PEX5L: variants seen among roughly 807,000 people sequenced by gnomAD.
The protein encoded by PEX5L is peroxisomal biogenesis factor 5 like.
In PEX5L, 30 loss-of-function variants were observed where a neutral mutation model predicts 84.0. The ratio of observed to expected loss-of-function variants is 0.36; its 90% CI spans 0.27 to 0.48. The LOEUF (loss-of-function observed/expected upper bound fraction) is 0.48. Among genes scored for constraint, PEX5L ranks in the 20% least tolerant of loss-of-function variants. The pLI, the probability that PEX5L is intolerant of heterozygous loss-of-function variation, is 0.99. For missense variants in PEX5L, 533 were observed against 754.6 expected, an observed-to-expected ratio of 0.71 and a Z score of 3.44; for synonymous variants, 270 against 283.1, an observed-to-expected ratio of 0.95 and a Z score of 0.46.
intron 1 of PEX5L, chr3:179,973,416 C>CA: frequency 1.8e-6 from 2 of 1,109,558 alleles, no homozygotes; most frequent in Non-Finnish European, 1.1e-6. Context: ...TTGGCTAGCA[C>CA]AAAAAACTCA....
At chr3:179,965,956 T>C (rs1281083930) in intron 2 of PEX5L, among the ~76,000 whole-genome samples, 1 of 152,194 alleles carries the variant, frequency 6.6e-6, no homozygotes. Flanking sequence ...ACAATATTTA[T>C]TGATGATAAA....
intron 10 of PEX5L, among the ~76,000 whole-genome samples, chr3:179,815,599 C>G (rs1444518037): frequency 2.0e-5 from 3 of 152,154 alleles, no homozygotes; most frequent in Admixed American, 6.6e-5. Flanking sequence ...AAGAAAACTA[C>G]TGATAAGCCT....
Position 179,807,788 on chromosome 3 carries a change from C to G in PEX5L, c.1562G>C (p.Gly521Ala). ...CTCCACGGCTTCCTCGCTGCGGTCTCCGTTCGCCAAGGTCGCCCCGAGGCG... is the reference window on the plus strand; with the variant it reads ...CTCCACGGCTTCCTCGCTGCGGTCTGCGTTCGCCAAGGTCGCCCCGAGGCG... Reference protein sequence around the residue: ...WNRLGATLANGDRSEEAVEAY... With the variant: ...WNRLGATLANADRSEEAVEAY... Residue 521 changes from glycine to alanine, a missense_variant, in exon 14 of 15, where the codon GGA becomes GCA. Gly to Ala is a moderately conservative substitution (Grantham distance 60, BLOSUM62 0). Around this residue, in one of 8 missense-constraint regions of PEX5L, gnomAD observed 105 missense variants for 204.6 expected, o/e 0.51. Coordinates refer to ENST00000467460, the MANE Select transcript of PEX5L (RefSeq NM_016559.3). 1 of 1,614,094 alleles carries G rather than the reference C, an allele frequency of 6.2e-7. No individual in the cohort carries two copies. The highest frequency in any genetic ancestry group is 8.5e-7 in the Non-Finnish European group (1 of 1,180,018).
At chr3:180,027,498 G>GTA (rs1469529291) in intron 1 of PEX5L, among the ~76,000 whole-genome samples, 1 of 151,754 alleles carries the variant, frequency 6.6e-6, no homozygotes, top group African/African-American at 2.4e-5. Flanking sequence ...CTCTCTCTAT[G>GTA]TATATATACA....
intron 5 of PEX5L, among the ~76,000 whole-genome samples, chr3:179,876,867 G>A (rs1329096373): frequency 6.6e-6 from 1 of 152,134 alleles, no homozygotes; most frequent in Admixed American, 6.5e-5. Context: ...GGGACCAGGA[G>A]TGTTTCAAAT....
Position 179,809,466 on chromosome 3 carries a change from G to A in PEX5L, c.1352+5C>T. ...CTGCCAGCTGTAATATAACGAGAAGGATACCTATCAACTGGGGACTTAGAC... is the reference window on the plus strand; with the variant it reads ...CTGCCAGCTGTAATATAACGAGAAGAATACCTATCAACTGGGGACTTAGAC... On this transcript the variant is annotated splice_donor_5th_base_variant and intron_variant, in intron 12 of 14. Coordinates refer to ENST00000467460, the MANE Select transcript of PEX5L (RefSeq NM_016559.3). The A allele has an allele frequency of 6.2e-7, 1 of 1,608,006 alleles. No individual in the cohort carries two copies. Among genetic ancestry groups the A allele is most frequent in the East Asian group, 2.2e-5 (1 of 44,854 alleles).
At chr3:180,010,322 C>G (rs995735438) in intron 1 of PEX5L, among the ~76,000 whole-genome samples, 3 of 141,740 alleles carry the variant, frequency 2.1e-5, no homozygotes, top group Non-Finnish European at 4.5e-5. Context: ...CTCCTGGGCT[C>G]AAGCCATTCT....
chr3:179,924,993 T>G (rs1771000425), intron 2 of PEX5L, among the ~76,000 whole-genome samples: 1 of 152,194 alleles, frequency 6.6e-6, no homozygotes, highest in Non-Finnish European at 1.5e-5. Context: ...GCTCTCTTTC[T>G]TACCCAAGTT....
intron 9 of PEX5L, among the ~76,000 whole-genome samples, chr3:179,816,687 G>C (rs1726245062): frequency 1.3e-5 from 2 of 152,088 alleles, no homozygotes; most frequent in African/African-American, 4.8e-5. Flanking sequence ...GTATACCTAT[G>C]TAACAAACTT....
chr3:179,818,997 C>G (rs1451216668), intron 9 of PEX5L, among the ~76,000 whole-genome samples: 1 of 150,662 alleles, frequency 6.6e-6, no homozygotes, highest in East Asian at 1.9e-4. Context: ...GCGTAGTCCC[C>G]TATAGTCTCC....
At chr3:179,901,409 T>G (rs916679093) in intron 2 of PEX5L, among the ~76,000 whole-genome samples, 3 of 152,176 alleles carry the variant, frequency 2.0e-5, no homozygotes. Context: ...ACAGACAAAA[T>G]AAAATATACA....
chr3:179,905,429 C>G (rs565207877), intron 2 of PEX5L, among the ~76,000 whole-genome samples: 7 of 152,036 alleles, frequency 4.6e-5, no homozygotes, highest in African/African-American at 1.7e-4. Context: ...CCCGCCACCA[C>G]GCCCGGCTAA....
chr3:180,010,220 C>A (rs1383874256), intron 1 of PEX5L, among the ~76,000 whole-genome samples: 2 of 148,148 alleles, frequency 1.3e-5, no homozygotes, highest in African/African-American at 5.1e-5. Context: ...GATGGGATTA[C>A]AGGCGTGAGC....
rs1432041787 is a variant in PEX5L, at chr3:179,800,667, G to A, written c.*1161C>T. The stretch of plus-strand genomic sequence containing the variant: ...AAATCACTGGCATTCAGTGAGATTT[G>A]GTTTGAAAGTGTTGCTCTTCTATCA... On this transcript the variant is annotated 3_prime_UTR_variant, in exon 15 of 15. Transcript: ENST00000467460. The A allele has an allele frequency of 6.6e-6, 1 of 152,110 alleles. No homozygotes were observed. Among genetic ancestry groups the A allele is most frequent in the African/African-American group, 2.4e-5 (1 of 41,408 alleles). The allele number at this position is 152,110 out of a possible 1,614,324, so 9.4% of individuals were successfully genotyped here. A position where few individuals can be genotyped will look rare whatever the true frequency, so the allele number is the denominator to read the frequency against.
intron 1 of PEX5L, among the ~76,000 whole-genome samples, chr3:180,017,709 A>G (rs978483251): frequency 6.6e-6 from 1 of 151,816 alleles, no homozygotes; most frequent in Non-Finnish European, 1.5e-5. Context: ...GTGTCTTTTC[A>G]GCTAACTTTT....
chr3:179,828,975 A>G (rs1279054811), intron 8 of PEX5L, among the ~76,000 whole-genome samples: 1 of 152,200 alleles, frequency 6.6e-6, no homozygotes, highest in Non-Finnish European at 1.5e-5. Flanking sequence ...GAATGTGGAG[A>G]AAAGAATTAA....
chr3:179,978,632 T>A (rs1786030957), intron 1 of PEX5L, among the ~76,000 whole-genome samples: 1 of 152,220 alleles, frequency 6.6e-6, no homozygotes, highest in South Asian at 2.1e-4. Context: ...TTATCTAATT[T>A]ACTTTTAAAA....
intron 8 of PEX5L, among the ~76,000 whole-genome samples, chr3:179,829,369 CCAAA>C (rs1292815806): frequency 1.3e-5 from 2 of 152,134 alleles, no homozygotes; most frequent in South Asian, 2.1e-4. Flanking sequence ...ATTAATAGCA[CCAAA>C]CAGTGCTTTA....
intron 1 of PEX5L, among the ~76,000 whole-genome samples, chr3:180,020,691 C>T (rs1790349340): frequency 6.6e-6 from 1 of 151,650 alleles, no homozygotes; most frequent in Non-Finnish European, 1.5e-5. Flanking sequence ...TCACACTTGC[C>T]TTAAAAAAAA....
Sources: gnomAD v4.1 joint callset for allele counts (sites outside exome capture counted in the v4.1 genomes callset) on GRCh38, gnomAD v4.1.1 for gene constraint, gnomAD v4.1.1 regional missense constraint, MANE v1.5 for transcripts, NCBI Gene and HGNC (gene_info 2026-07-23, HGNC 2026-07-21) for gene names.